The following ZNF385D variants were observed in gnomAD, a reference collection of about 807,000 sequenced individuals.
The protein encoded by ZNF385D is zinc finger protein 659.
ZNF385D carries 15 observed loss-of-function variants against 35.8 expected under a neutral mutation model. The ratio of observed to expected loss-of-function variants is 0.42; its 90% CI spans 0.28 to 0.64. The LOEUF (loss-of-function observed/expected upper bound fraction) is 0.64. ZNF385D is among the 30% of genes least tolerant of loss of function. The probability of loss-of-function intolerance (pLI) is 0.23; values close to 1 mark genes in which losing one functional copy is unlikely to be tolerated. For synonymous variants in ZNF385D, 212 were observed against 186.8 expected (o/e 1.13, Z -1.10); for missense variants, 474 against 494.6 (o/e 0.96, Z 0.39).
intron 2 of ZNF385D, among the ~76,000 whole-genome samples, chr3:22,268,028 G>A (rs1700982994): frequency 6.6e-6 from 1 of 151,918 alleles, no homozygotes; most frequent in Non-Finnish European, 1.5e-5. Flanking sequence ...CTTTTGCAAA[G>A]TAAGTATGCA....
intron 2 of ZNF385D, among the ~76,000 whole-genome samples, chr3:22,367,294 C>T (rs1309934407): frequency 6.6e-6 from 1 of 152,078 alleles, no homozygotes; most frequent in Non-Finnish European, 1.5e-5. Flanking sequence ...ATTAAATTCT[C>T]ACCACTTTTA....
chr3:21,424,080 T>TA lies in ZNF385D; in HGVS notation c.853-17dup, dbSNP rs766533392. On this transcript the variant is annotated splice_polypyrimidine_tract_variant and intron_variant, in intron 6 of 7. Coordinates refer to ENST00000281523, the MANE Select transcript of ZNF385D (RefSeq NM_024697.3). The stretch of plus-strand genomic sequence containing the variant: ...TGCTAATGTGCTATTAAAAGTAATT[T>TA]AAAATGACAGCTTTAAAAAAATCAT... 1 of 1,545,008 alleles carries TA rather than the reference T, an allele frequency of 6.5e-7. No individual in the cohort carries two copies. Among genetic ancestry groups the TA allele is most frequent in the Admixed American group, 2.2e-5 (1 of 44,626 alleles).
intron 3 of ZNF385D, among the ~76,000 whole-genome samples, chr3:22,019,034 C>CTTTTTTTTTTTTTTTTTTTTTTTTTTT (rs11380195): frequency 7.8e-5 from 5 of 64,468 alleles, no homozygotes; most frequent in African/African-American, 1.5e-4. Flanking sequence ...AGTTATTTAC[C>CTTTTTTTTTTTTTTTTTTTTTTTTTTT]TTTTTTTTTT....
intron 3 of ZNF385D, among the ~76,000 whole-genome samples, chr3:22,026,858 T>A (rs763957141): frequency 2.6e-5 from 4 of 152,196 alleles, no homozygotes; most frequent in Non-Finnish European, 5.9e-5. Flanking sequence ...CCCATTCAAC[T>A]ATTTCATTTG....
At chr3:21,436,419 C>A (rs981653214) in intron 5 of ZNF385D, among the ~76,000 whole-genome samples, 13 of 152,056 alleles carry the variant, frequency 8.5e-5, no homozygotes, top group African/African-American at 2.9e-4. Flanking sequence ...TAAGCTACTG[C>A]AAAGTTGTTG....
At chr3:22,230,832 A>G (rs756145171) in intron 2 of ZNF385D, among the ~76,000 whole-genome samples, 2 of 152,174 alleles carry the variant, frequency 1.3e-5, no homozygotes, top group Non-Finnish European at 2.9e-5. Flanking sequence ...GTCTGCTTGC[A>G]GTGCCATGGA....
At chr3:21,743,147 G>C (rs577869807) in intron 1 of ZNF385D, among the ~76,000 whole-genome samples, 1 of 152,308 alleles carries the variant, frequency 6.6e-6, no homozygotes, top group East Asian at 1.9e-4. Context: ...CAACTGTAAA[G>C]TAGGCCATTT....
intron 2 of ZNF385D, among the ~76,000 whole-genome samples, chr3:22,301,345 A>G (rs1477060018): frequency 6.6e-6 from 1 of 152,068 alleles, no homozygotes; most frequent in African/African-American, 2.4e-5. Flanking sequence ...ACATAAGAAC[A>G]ATAAGTCCAT....
intron 3 of ZNF385D, among the ~76,000 whole-genome samples, chr3:21,891,936 C>T (rs1233866043): frequency 6.6e-6 from 1 of 152,088 alleles, no homozygotes; most frequent in African/African-American, 2.4e-5. Context: ...AAAGTGAGAA[C>T]CAAGCTGATC....
rs914992636 is a variant in ZNF385D, at chr3:21,529,106, A to AT, written c.277-18084dup. ...GATAAACCCAAATCACTTTTTCCAT[A>AT]TTTTTTTTGTCAGTTCTTACTAAGT... is the stretch of plus-strand genomic sequence containing the variant. On this transcript the variant is annotated intron_variant, in intron 3 of 7. Coordinates refer to ENST00000281523, the MANE Select transcript of ZNF385D (RefSeq NM_024697.3). 8.6e-5 allele frequency among the ~76,000 whole-genome samples: 13 copies of AT among 151,762 alleles called. No individual in the cohort carries two copies. The East Asian group carries it at 1.4e-3, about 16-fold the overall frequency.
intron 2 of ZNF385D, among the ~76,000 whole-genome samples, chr3:22,276,645 A>G (rs1701444184): frequency 6.6e-6 from 1 of 152,156 alleles, no homozygotes; most frequent in Non-Finnish European, 1.5e-5. Flanking sequence ...TGTAAAATAT[A>G]TGATTTTACC....
intron 3 of ZNF385D, among the ~76,000 whole-genome samples, chr3:21,915,932 A>G (rs146991584): frequency 0.019 from 2,918 of 152,214 alleles, 36 homozygotes; most frequent in Non-Finnish European, 0.029. Flanking sequence ...CTCTTATTAC[A>G]CTGGCCAGTG....
intron 3 of ZNF385D, among the ~76,000 whole-genome samples, chr3:21,954,896 A>G (rs368936385): frequency 1.1e-4 from 16 of 152,238 alleles, no homozygotes; most frequent in Middle Eastern, 3.4e-3. Context: ...AAAGGAATGT[A>G]GCACAATCTA....
At chr3:21,768,770 C>T (rs1041741134) in intron 3 of ZNF385D, among the ~76,000 whole-genome samples, 10 of 152,054 alleles carry the variant, frequency 6.6e-5, no homozygotes, top group East Asian at 2.0e-4. Context: ...ACGAACCCAC[C>T]GTCCCCCATT....
intron 3 of ZNF385D, among the ~76,000 whole-genome samples, chr3:21,875,781 GATC>G (rs1697933091): frequency 6.6e-6 from 1 of 151,910 alleles, no homozygotes; most frequent in Non-Finnish European, 1.5e-5. Flanking sequence ...TCTTCATTGT[GATC>G]ATCATCATTC....
chr3:21,482,195 A>C (rs974761642), intron 4 of ZNF385D, among the ~76,000 whole-genome samples: 2 of 152,138 alleles, frequency 1.3e-5, no homozygotes. Context: ...ATGGGCTAGG[A>C]CATTCACATG....
chr3:21,864,230 A>G (rs1020511737), intron 3 of ZNF385D, among the ~76,000 whole-genome samples: 1 of 152,152 alleles, frequency 6.6e-6, no homozygotes, highest in African/African-American at 2.4e-5. Flanking sequence ...AAGAAAAGGC[A>G]TGTGACATTT....
At chr3:22,083,690 T>C (rs1006222024) in intron 3 of ZNF385D, among the ~76,000 whole-genome samples, 4 of 152,160 alleles carry the variant, frequency 2.6e-5, no homozygotes, top group African/African-American at 9.7e-5. Context: ...TTCCCCAACC[T>C]AGCAAGGCAG....
At position 21,957,717 on chromosome 3, in the gene ZNF385D, A is replaced by G. The variant is rs533903918; in HGVS notation, c.325+211100T>C. Reference sequence around the variant, plus strand: ...CCCATCTCCTCCTTATTTCCATCCCATTTTCTCCTACATGGATTTTCCCTC... The same window carrying G: ...CCCATCTCCTCCTTATTTCCATCCCGTTTTCTCCTACATGGATTTTCCCTC... On this transcript the variant is annotated intron_variant, in intron 3 of 5. Transcript: ENST00000494108. Among the ~76,000 whole-genome samples, 4 of 151,788 alleles carry G rather than the reference A, an allele frequency of 2.6e-5. No individual in the cohort carries two copies. In the South Asian group the frequency reaches 8.3e-4, roughly 32 times the overall value.
Sources: allele counts gnomAD v4.1 joint callset (sites outside exome capture counted in the v4.1 genomes callset), GRCh38; gene constraint gnomAD v4.1.1; transcripts MANE v1.5; gene names NCBI Gene and HGNC (gene_info 2026-07-23, HGNC 2026-07-21).